GTF3C3: variants seen among roughly 807,000 people sequenced by gnomAD.
GTF3C3 encodes the protein general transcription factor IIIC subunit 3.
A neutral mutation model predicts 105.2 loss-of-function variants in GTF3C3; 75 were observed. The observed-to-expected ratio is 0.71, with a 90% CI of 0.59 to 0.86. The LOEUF is 0.86. Ranked by LOEUF, GTF3C3 falls within the 40% of genes least tolerant of loss-of-function variation. The pLI, the probability that GTF3C3 is intolerant of heterozygous loss-of-function variation, is 0.00. For missense variants in GTF3C3, 856 were observed against 1,076.5 expected (o/e 0.80, Z 2.87); for synonymous variants, 335 against 370.4 (o/e 0.90, Z 1.10).
chr2:196,769,348 A>AACAT lies in GTF3C3; in HGVS notation c.2385+563_2385+566dup. Among the ~76,000 whole-genome samples, 2 of 152,232 alleles carry AACAT rather than the reference A, an allele frequency of 1.3e-5. 1 individual carries two copies. The highest frequency in any genetic ancestry group is 2.9e-5 in the Non-Finnish European group (2 of 68,042). On this transcript the variant is annotated intron_variant, in intron 16 of 17. Coordinates refer to ENST00000263956, the MANE Select transcript of GTF3C3 (RefSeq NM_012086.5). ...ACCATATCATATTTTGGAAACATCA[A>AACAT]ACATACAAAAATGAAGTCACAGAAA...
intron 13 of GTF3C3, among the ~76,000 whole-genome samples, chr2:196,774,170 T>G (rs1214013001): frequency 1.3e-5 from 2 of 152,142 alleles, no homozygotes; most frequent in Admixed American, 6.5e-5. Context: ...CATAAAAAAT[T>G]TTACTGTCTT....
At chr2:196,773,870 G>C (rs912908389) in intron 13 of GTF3C3, 1 of 188,754 alleles carries the variant, frequency 5.3e-6, no homozygotes, top group African/African-American at 2.3e-5. Flanking sequence ...TGACAGGAGG[G>C]GAAGCTCAGG....
chr2:196,779,623 G>A (rs1699312949), intron 9 of GTF3C3, among the ~76,000 whole-genome samples: 2 of 152,272 alleles, frequency 1.3e-5, no homozygotes, highest in South Asian at 4.1e-4. Flanking sequence ...ACAACGTCTT[G>A]TGCCTCAGGG....
At chr2:196,772,806 A>T in intron 14 of GTF3C3, 110 bp downstream of exon 14, 1 of 625,516 alleles carries the variant, frequency 1.6e-6, no homozygotes, top group Non-Finnish European at 2.8e-6. Flanking sequence ...ATCACCAATT[A>T]ACCAGTTTAT....
At chr2:196,770,693 G>A (rs1021637538) in intron 15 of GTF3C3, among the ~76,000 whole-genome samples, 4 of 152,148 alleles carry the variant, frequency 2.6e-5, no homozygotes, top group African/African-American at 9.7e-5. Flanking sequence ...AACATATAAT[G>A]TATCACATAT....
intron 8 of GTF3C3, among the ~76,000 whole-genome samples, chr2:196,781,357 A>AAAAAAAAAAAAAAAAAAAAAAATAT: frequency 1.1e-4 from 2 of 18,812 alleles, no homozygotes; most frequent in Non-Finnish European, 3.0e-4. Context: ...AAAAAAAAAA[A>AAAAAAAAAAAAAAAAAAAAAAATAT]ATATATATAT....
intron 6 of GTF3C3, 100 bp downstream of exon 6, chr2:196,789,104 C>A: frequency 9.7e-7 from 1 of 1,030,362 alleles, no homozygotes; most frequent in Admixed American, 2.5e-5. Flanking sequence ...CAAAACACTT[C>A]TTGAACTTCA....
rs1487656126 is a variant in GTF3C3 at position 196,789,141 on chromosome 2, T to A, written c.893+63A>T. On this transcript the variant is annotated intron_variant, in intron 6 of 17. Transcript: ENST00000263956. The stretch of plus-strand genomic sequence containing the variant: ...TGAAAAGTACATTCTATTCCAAATA[T>A]ATGCTTTGATTTGCAAAACAAGATT... 3 of 1,312,570 alleles carry A rather than the reference T, an allele frequency of 2.3e-6. 1 individual carries two copies. Among genetic ancestry groups the A allele is most frequent in the South Asian group, 2.8e-5 (2 of 71,952 alleles). The allele number at this position is 1,312,570 out of a possible 1,614,324, so 81.3% of individuals were successfully genotyped here. A position where few individuals can be genotyped will look rare whatever the true frequency, so the allele number is the denominator to read the frequency against.
At position 196,773,040 on chromosome 2, in the gene GTF3C3, C is replaced by T; in HGVS notation, c.1945G>A (p.Val649Ile). 1.9e-6 allele frequency: 3 copies of T among 1,611,962 alleles called. No homozygotes were observed. Among genetic ancestry groups the T allele is most frequent in the Non-Finnish European group, 2.5e-6 (3 of 1,178,098 alleles). The change falls in exon 14 of 18, where the codon GTA becomes ATA. Residue 649 changes from valine to isoleucine, a missense_variant. Around this residue, in one of 3 missense-constraint regions of GTF3C3, gnomAD observed 605 missense variants for 833.6 expected, o/e 0.73. Coordinates refer to ENST00000263956, the MANE Select transcript of GTF3C3 (RefSeq NM_012086.5). ...LSRFQEAELL[V>I]DSSLEYYSFY... The stretch of plus-strand genomic sequence containing the variant: ...GAGTAATATTCCAATGAGGAATCTA[C>T]AAGCAACTCAGCCTCTTGAAATCGG...
rs1395371940 is a variant in GTF3C3 at position 196,776,207 on chromosome 2, T to C, written c.1594-96A>G. 4.0e-6 allele frequency: 3 copies of C among 755,494 alleles called. No individual in the cohort carries two copies. In the East Asian group the frequency reaches 7.7e-5, roughly 19 times the overall value. The allele number at this position is 755,494 out of a possible 1,614,324, so 46.8% of individuals were successfully genotyped here. The stretch of plus-strand genomic sequence containing the variant: ...AACATTTTTAAAAAAACAAACCATA[T>C]TGCTTTATGGTCTTTCACAATAATT... On this transcript the variant is annotated intron_variant, in intron 11 of 17. Transcript: ENST00000263956. The surrounding 1 kb of genome is among the most constrained non-coding windows in gnomAD (Gnocchi z 4.5).
chr2:196,789,461 C>T (rs1027761591), intron 5 of GTF3C3, 92 bp from the exon 6 acceptor site: 4 of 790,712 alleles, frequency 5.1e-6, no homozygotes, highest in East Asian at 5.4e-5. Flanking sequence ...AATAAGCAAA[C>T]TAATCCATCA....
Position 196,763,791 on chromosome 2 carries a change from CAAAA to C in GTF3C3, c.*768_*771del, listed in dbSNP as rs1018034223. On this transcript the variant is annotated 3_prime_UTR_variant, in exon 18 of 18. Coordinates refer to ENST00000263956, the MANE Select transcript of GTF3C3 (RefSeq NM_012086.5). ...TAAATAGTGGAGATGAGTAAACAAA[CAAAA>C]AAAAAGTTTTTTACTTTATCAATCA... The C allele has an allele frequency of 6.6e-6, 1 of 150,896 alleles. No individual in the cohort carries two copies. Among genetic ancestry groups the C allele is most frequent in the Non-Finnish European group, 1.5e-5 (1 of 67,638 alleles). 9.3% of individuals were successfully genotyped at this position (150,896 alleles called of 1,614,324 possible).
Position 196,769,994 on chromosome 2 carries a change from T to C in GTF3C3, c.2306A>G (p.Tyr769Cys), listed in dbSNP as rs757588857. Residue 769 changes from tyrosine to cysteine, a missense_variant, in exon 16 of 18, where the codon TAT becomes TGT. By Grantham distance (194) the Tyr-to-Cys change is radical. This residue lies in a region of GTF3C3 where 605 missense variants were observed against 833.6 expected (regional missense o/e 0.73). Transcript: ENST00000263956. ...AFRTHPDEPL[Y>C]SFCIGLTFIH... ...AAAGGTTAGGCCTATACAGAAGCTATAGAGAGGTTCGTCAGGGTGAGTGCG... is the reference window on the plus strand; with the variant it reads ...AAAGGTTAGGCCTATACAGAAGCTACAGAGAGGTTCGTCAGGGTGAGTGCG... The C allele has an allele frequency of 3.8e-6, 6 of 1,584,426 alleles. No individual in the cohort carries two copies. Among genetic ancestry groups the C allele is most frequent in the Admixed American group, 3.8e-5 (2 of 52,734 alleles).
intron 14 of GTF3C3, among the ~76,000 whole-genome samples, chr2:196,772,295 C>T (rs1024451080): frequency 6.6e-6 from 1 of 152,162 alleles, no homozygotes; most frequent in Non-Finnish European, 1.5e-5. Flanking sequence ...CCGTGGCTCA[C>T]GCCTGTAATC....
At position 196,784,943 on chromosome 2, in the gene GTF3C3, AAAG is replaced by A. The variant is rs1576029886; in HGVS notation, c.1042-17_1042-15del. The A allele has an allele frequency of 3.9e-6, 6 of 1,527,720 alleles. No individual in the cohort carries two copies. Among genetic ancestry groups the A allele is most frequent in the Non-Finnish European group, 5.4e-6 (6 of 1,105,396 alleles). 94.6% of individuals were successfully genotyped at this position (1,527,720 alleles called of 1,614,324 possible). On this transcript the variant is annotated splice_polypyrimidine_tract_variant and intron_variant, in intron 7 of 17. Coordinates refer to ENST00000263956, the MANE Select transcript of GTF3C3 (RefSeq NM_012086.5). ...ATCTGTAATTATCTAAAAGAATGGG[AAAG>A]AAGAAAGGAAATAAAATATGTGTGA...
intron 9 of GTF3C3, 88 bp from the exon 10 acceptor site, chr2:196,779,155 T>G: frequency 1.4e-5 from 14 of 994,222 alleles, no homozygotes; most frequent in Non-Finnish European, 2.0e-5. Context: ...TGAGATGAAG[T>G]CTCTCCCTGT....
Position 196,764,452 on chromosome 2 carries a change from T to TAATTCTGAAATTGTC in GTF3C3, c.*96_*110dup, listed in dbSNP as rs1335829131. 26 of 938,500 alleles carry TAATTCTGAAATTGTC rather than the reference T, an allele frequency of 2.8e-5. No individual in the cohort carries two copies. The African/African-American group carries it at 3.9e-4, about 14-fold the overall frequency. 58.1% of individuals were successfully genotyped at this position (938,500 alleles called of 1,614,324 possible). On this transcript the variant is annotated 3_prime_UTR_variant, in exon 18 of 18. Transcript: ENST00000263956. ...AAAAATAAATACACTGTTTGTTAGG[T>TAATTCTGAAATTGTC]AATTCTGAAATTGTCATTTCTATTT...
chr2:196,764,996 C>T (rs1308159421), intron 17 of GTF3C3, among the ~76,000 whole-genome samples: 1 of 152,046 alleles, frequency 6.6e-6, no homozygotes, highest in African/African-American at 2.4e-5. Context: ...ATAATATAAT[C>T]TTGGATAGGA....
intron 6 of GTF3C3, among the ~76,000 whole-genome samples, chr2:196,787,616 T>C (rs563917161): frequency 6.6e-6 from 1 of 152,300 alleles, no homozygotes; most frequent in Non-Finnish European, 1.5e-5. Context: ...CTAACCAGTC[T>C]ATCTTAAAAT....
Sources: allele counts gnomAD v4.1 joint callset (sites outside exome capture counted in the v4.1 genomes callset), GRCh38; gene constraint gnomAD v4.1.1; regional missense constraint gnomAD v4.1.1; non-coding constraint Gnocchi (gnomAD v3.1); transcripts MANE v1.5; gene names NCBI Gene and HGNC (gene_info 2026-07-23, HGNC 2026-07-21).